The following RBM28 variants were observed in gnomAD, a reference collection of about 807,000 sequenced individuals.
The protein encoded by RBM28 is RNA-binding protein 28.
In RBM28, 78 loss-of-function variants were observed where a neutral mutation model predicts 98.3. The ratio of observed to expected loss-of-function variants is 0.79; its 90% CI spans 0.66 to 0.96. The LOEUF (loss-of-function observed/expected upper bound fraction) is 0.96. Ranked by LOEUF, RBM28 falls within the 40% of genes least tolerant of loss-of-function variation. RBM28 has a pLI of 0.00. For synonymous variants in RBM28, 306 were observed against 330.9 expected, an observed-to-expected ratio of 0.92 and a Z score of 0.82; for missense variants, 838 against 913.0, an observed-to-expected ratio of 0.92 and a Z score of 1.06.
rs911338578 is a variant in RBM28, at chr7:128,308,622, C to G, written c.*2175G>C. On this transcript the variant is annotated 3_prime_UTR_variant, in exon 19 of 19. Transcript: ENST00000223073. Reference sequence around the variant, plus strand: ...CAAAAGGTCTAAATATTTCCATGGCCTCTCCTTCATCCATTTCTAAACCAA... The same window carrying G: ...CAAAAGGTCTAAATATTTCCATGGCGTCTCCTTCATCCATTTCTAAACCAA... 3 of 152,138 alleles carry G rather than the reference C, an allele frequency of 2.0e-5. No individual in the cohort carries two copies. The highest frequency in any genetic ancestry group is 7.2e-5 in the African/African-American group (3 of 41,410). The allele number at this position is 152,138 out of a possible 1,614,324, so 9.4% of individuals were successfully genotyped here.
At chr7:128,329,855 C>T (rs1010281002) in intron 10 of RBM28, among the ~76,000 whole-genome samples, 19 of 138,436 alleles carry the variant, frequency 1.4e-4, no homozygotes, top group Non-Finnish European at 2.3e-4. Context: ...CGCCACTGCA[C>T]TCCAGCCTGG....
At chr7:128,333,207 G>T in intron 9 of RBM28, 83 bp downstream of exon 9, 1 of 1,125,096 alleles carries the variant, frequency 8.9e-7, no homozygotes, top group Non-Finnish European at 1.4e-6. Context: ...CTAGGTAACA[G>T]AACTAGTGCC....
chr7:128,330,457 T>C (rs188374566), intron 10 of RBM28, among the ~76,000 whole-genome samples: 7 of 145,340 alleles, frequency 4.8e-5, no homozygotes, highest in Admixed American at 2.8e-4. Flanking sequence ...TCTCGGCTCA[T>C]TGCAACCTCC....
In RBM28 at chr7:128,312,884, G is replaced by A. The variant is rs568714564; in HGVS notation, c.2145+291C>T. Among the ~76,000 whole-genome samples, 9 of 152,294 alleles carry A rather than the reference G, an allele frequency of 5.9e-5. No individual in the cohort carries two copies. In the East Asian group the frequency reaches 1.2e-3, roughly 20 times the overall value. Reference sequence around the variant, plus strand: ...AATATGTTTCATTTTCATATGAGACGCATTTACATGTGAAATGGGCTTTGC... The same window carrying A: ...AATATGTTTCATTTTCATATGAGACACATTTACATGTGAAATGGGCTTTGC... On this transcript the variant is annotated intron_variant, in intron 18 of 18. Transcript: ENST00000223073.
At chr7:128,313,307 CCTT>C (rs765547515) in intron 17 of RBM28, 33 bp from the exon 18 acceptor site, 69 of 1,590,124 alleles carry the variant, frequency 4.3e-5, no homozygotes, top group African/African-American at 2.4e-4. Flanking sequence ...CACCTTGAGT[CCTT>C]CTTCTAATTT....
In RBM28 at chr7:128,308,228, T is replaced by C. The variant is rs141411276; in HGVS notation, c.*2569A>G. On this transcript the variant is annotated 3_prime_UTR_variant, in exon 19 of 19. Transcript: ENST00000223073. ...TACAACAGCTCTCCAAGCAAGTGAATGAGGTTTTAACATACTGTTAAGTTG... is the reference window on the plus strand; with the variant it reads ...TACAACAGCTCTCCAAGCAAGTGAACGAGGTTTTAACATACTGTTAAGTTG... 98 of 152,320 alleles carry C rather than the reference T, an allele frequency of 6.4e-4. No individual in the cohort carries two copies. Among genetic ancestry groups the C allele is most frequent in the African/African-American group, 2.2e-3 (91 of 41,566 alleles). The allele number at this position is 152,320 out of a possible 1,614,324, so 9.4% of individuals were successfully genotyped here.
chr7:128,341,130 C>G (rs1005900454), intron 1 of RBM28: 1 of 1,285,704 alleles, frequency 7.8e-7, no homozygotes. Context: ...GAAAAGGACA[C>G]ATAGTTCATA....
chr7:128,304,536 C>T lies in RBM28; in HGVS notation c.*6261G>A, dbSNP rs762068761. 1 of 152,222 alleles carries T rather than the reference C, an allele frequency of 6.6e-6. No homozygotes were observed. Among genetic ancestry groups the T allele is most frequent in the African/African-American group, 2.4e-5 (1 of 41,448 alleles). 9.4% of individuals were successfully genotyped at this position (152,222 alleles called of 1,614,324 possible). On this transcript the variant is annotated 3_prime_UTR_variant, in exon 19 of 19. Transcript: ENST00000223073. Reference sequence around the variant, plus strand: ...CGAAACCTCTCCACTGCTATCCTGACAGAGATGGGGCATGTACTTCCCAGG... The same window carrying T: ...CGAAACCTCTCCACTGCTATCCTGATAGAGATGGGGCATGTACTTCCCAGG...
At chr7:128,336,291 A>AGACTGAAAGAAGTGGC (rs1796599378) in intron 6 of RBM28, among the ~76,000 whole-genome samples, 1 of 152,202 alleles carries the variant, frequency 6.6e-6, no homozygotes, top group Non-Finnish European at 1.5e-5. Context: ...CATCTGGCCC[A>AGACTGAAAGAAGTGGC]GACTGAAAGA....
chr7:128,332,018 A>G (rs946656261), intron 9 of RBM28, among the ~76,000 whole-genome samples: 2 of 152,202 alleles, frequency 1.3e-5, no homozygotes, highest in African/African-American at 2.4e-5. Context: ...GTTCTTTATT[A>G]AAAGGTGTAT....
At chr7:128,314,621 C>A (rs920941172) in intron 17 of RBM28, 143 bp downstream of exon 17, 9 of 1,370,820 alleles carry the variant, frequency 6.6e-6, no homozygotes, top group Non-Finnish European at 9.2e-6. Flanking sequence ...TGAAGACTCG[C>A]GTGTTAACCC....
rs1341896979 is a variant in RBM28, at chr7:128,298,949, G to A, written c.*11848C>T. 6.6e-5 allele frequency: 10 copies of A among 150,816 alleles called. No individual in the cohort carries two copies. Among genetic ancestry groups the A allele is most frequent in the African/African-American group, 2.4e-4 (10 of 41,016 alleles). The allele number at this position is 150,816 out of a possible 1,614,324, so 9.3% of individuals were successfully genotyped here. Reference sequence around the variant, plus strand: ...GATCACTAGAGCCCAGGAGGTCGAGGCTGCAGTGACCTGTGATTACACCAC... The same window carrying A: ...GATCACTAGAGCCCAGGAGGTCGAGACTGCAGTGACCTGTGATTACACCAC... On this transcript the variant is annotated 3_prime_UTR_variant, in exon 19 of 19. Transcript: ENST00000223073.
intron 13 of RBM28, among the ~76,000 whole-genome samples, chr7:128,321,909 A>C (rs555240867): frequency 6.5e-4 from 99 of 152,224 alleles, no homozygotes; most frequent in African/African-American, 2.3e-3. Context: ...TTAGCCAGGC[A>C]TAGTAGTGCA....
intron 13 of RBM28, 73 bp from the exon 14 acceptor site, chr7:128,321,497 A>C: frequency 6.4e-7 from 1 of 1,568,598 alleles, no homozygotes; most frequent in Admixed American, 1.7e-5. Context: ...CTCCAAAAGG[A>C]AAGAATTATG....
rs1796302585 is a variant in RBM28 at position 128,324,498 on chromosome 7, G to A, written c.1339+61C>T. On this transcript the variant is annotated intron_variant, in intron 12 of 18. Transcript: ENST00000223073. ...CATGCTTCCAGGCATACTATTGCTT[G>A]ATCAATGATTATGGCACAGGGCCAG... 4 of 1,608,450 alleles carry A rather than the reference G, an allele frequency of 2.5e-6. No homozygotes were observed. In the African/African-American group the frequency reaches 4.0e-5, roughly 16 times the overall value.
chr7:128,341,627 A>C (rs1429536722), intron 1 of RBM28, among the ~76,000 whole-genome samples: 1 of 152,204 alleles, frequency 6.6e-6, no homozygotes, highest in Non-Finnish European at 1.5e-5. Flanking sequence ...AAAAGGAAGT[A>C]AGAGATTTTT....
intron 10 of RBM28, among the ~76,000 whole-genome samples, chr7:128,330,123 G>A (rs1584653680): frequency 6.6e-6 from 1 of 151,854 alleles, no homozygotes; most frequent in East Asian, 1.9e-4. Flanking sequence ...CACTGCAACA[G>A]AGTTTTTCTG....
intron 5 of RBM28, 35 bp from the exon 6 acceptor site, chr7:128,337,237 C>G (rs1796620919): frequency 1.2e-6 from 2 of 1,610,520 alleles, no homozygotes; most frequent in Non-Finnish European, 1.7e-6. Context: ...GAAAGGCTCT[C>G]CTTTTAAAAA....
intron 17 of RBM28, among the ~76,000 whole-genome samples, chr7:128,313,802 G>C (rs1796042553): frequency 6.6e-6 from 1 of 152,086 alleles, no homozygotes; most frequent in Non-Finnish European, 1.5e-5. Context: ...ACAAGATCTG[G>C]TTGTTTAAAA....
Sources: gnomAD v4.1 joint callset for allele counts (sites outside exome capture counted in the v4.1 genomes callset) on GRCh38, gnomAD v4.1.1 for gene constraint, MANE v1.5 for transcripts, NCBI Gene and HGNC (gene_info 2026-07-23, HGNC 2026-07-21) for gene names.